TST: variants seen among roughly 807,000 people sequenced by gnomAD.
The protein encoded by TST is epididymis secretory sperm binding protein.
Under a neutral mutation model 20.4 loss-of-function variants are expected in TST, and 22 were observed. That is an observed-to-expected ratio of 1.08 (90% CI 0.77 to 1.54). TST has a LOEUF of 1.54. Among genes scored for constraint, TST ranks in the 40% most tolerant of loss-of-function variants. The probability of loss-of-function intolerance (pLI) is 0.00; values close to 1 mark genes in which losing one functional copy is unlikely to be tolerated. For missense variants in TST, 392 were observed against 405.2 expected, an observed-to-expected ratio of 0.97 and a Z score of 0.28; for synonymous variants, 187 against 173.8, an observed-to-expected ratio of 1.08 and a Z score of -0.60.
chr22:37,018,623 T>A lies in TST; in HGVS notation c.110A>T (p.Tyr37Phe), dbSNP rs763667991. ...PGLRVLDASWYSPGTREARKE... is the reference protein window; with the variant it reads ...PGLRVLDASWFSPGTREARKE... ...GCGGGCCTCTCGGGTGCCTGGTGAG[T>A]ACCAGGACGCGTCCAGCACCCGCAG... is the stretch of plus-strand genomic sequence containing the variant. The change falls in exon 2 of 3, where the codon TAC becomes TTC. Residue 37 changes from tyrosine (Y) to phenylalanine (F), a missense_variant. Tyr to Phe is a conservative substitution (Grantham distance 22). Coordinates refer to ENST00000249042, the MANE Select transcript of TST (RefSeq NM_003312.6). 4 of 1,571,296 alleles carry A rather than the reference T, an allele frequency of 2.5e-6. No individual in the cohort carries two copies. The highest frequency in any genetic ancestry group is 2.7e-5 in the African/African-American group (2 of 74,024).
At chr22:37,014,100 C>T (rs1445575534) in intron 2 of TST, among the ~76,000 whole-genome samples, 2 of 140,658 alleles carry the variant, frequency 1.4e-5, no homozygotes, top group African/African-American at 5.3e-5. Context: ...GCGGTGGCTA[C>T]GCCTGTAATC....
chr22:37,012,454 T>C (rs1369424409), intron 2 of TST, among the ~76,000 whole-genome samples: 1 of 152,242 alleles, frequency 6.6e-6, no homozygotes, highest in Non-Finnish European at 1.5e-5. Flanking sequence ...AGGCCACTCC[T>C]GTCTTCCTCG....
rs558722438 is a variant in TST at position 37,012,095 on chromosome 22, G to A, written c.596-770C>T. Among the ~76,000 whole-genome samples the A allele has an allele frequency of 5.3e-5, 8 of 152,334 alleles. No individual in the cohort carries two copies. In the East Asian group the frequency reaches 5.8e-4, roughly 11 times the overall value. ...AAATGGAAATGAGAGTATCCACTGTGTATTGGCTGCTGCACGAAGCGGGTG... is the reference window on the plus strand; with the variant it reads ...AAATGGAAATGAGAGTATCCACTGTATATTGGCTGCTGCACGAAGCGGGTG... On this transcript the variant is annotated intron_variant, in intron 2 of 2. Coordinates refer to ENST00000249042, the MANE Select transcript of TST (RefSeq NM_003312.6).
chr22:37,020,018 A>T, upstream of TST: 32 of 301,826 alleles, frequency 1.1e-4, no homozygotes, highest in Middle Eastern at 4.5e-4. Flanking sequence ...GTTGGCACTA[A>T]GGGTGACTGT....
At chr22:37,012,117 G>A (rs1922500745) in intron 2 of TST, among the ~76,000 whole-genome samples, 1 of 152,214 alleles carries the variant, frequency 6.6e-6, no homozygotes, top group Non-Finnish European at 1.5e-5. Flanking sequence ...GCACGAAGCG[G>A]GTGGCACAAG....
At position 37,018,279 on chromosome 22, in the gene TST, C is replaced by T. The variant is rs759704785; in HGVS notation, c.454G>A (p.Val152Ile). The stretch of plus-strand genomic sequence containing the variant: ...GAGCGGTCCAGTGTGGCTTTGAAGA[C>T]GGCCGGTTCTGGGCGTGAGGGCTCG... The part of the protein sequence containing the change: ...TSEPSRPEPA[V>I]FKATLDRSLL... The change falls in exon 2 of 3, where the codon GTC becomes ATC. Residue 152 changes from valine (V) to isoleucine (I), a missense_variant. Val to Ile is a conservative substitution (Grantham distance 29, BLOSUM62 3). Coordinates refer to ENST00000249042, the MANE Select transcript of TST (RefSeq NM_003312.6). 8.7e-6 allele frequency: 14 copies of T among 1,613,990 alleles called. No homozygotes were observed. The highest frequency in any genetic ancestry group is 8.0e-5 in the African/African-American group (6 of 74,928).
chr22:37,012,147 G>A lies in TST; in HGVS notation c.596-822C>T, dbSNP rs117445342. On this transcript the variant is annotated intron_variant, in intron 2 of 2. Transcript: ENST00000249042. ...CACAAGGAAAGCGCTGGCTTTGGAGGCTGGCCCACCCACCCTGCCATGCTG... is the reference window on the plus strand; with the variant it reads ...CACAAGGAAAGCGCTGGCTTTGGAGACTGGCCCACCCACCCTGCCATGCTG... 7.8e-3 allele frequency among the ~76,000 whole-genome samples: 1,190 copies of A among 152,338 alleles called. 4 individuals carry two copies. The highest frequency in any genetic ancestry group is 0.011 in the Non-Finnish European group (768 of 68,032).
chr22:37,016,138 G>A (rs1342385728), intron 2 of TST, among the ~76,000 whole-genome samples: 2 of 151,456 alleles, frequency 1.3e-5, no homozygotes, highest in African/African-American at 4.9e-5. Context: ...GTAGCGACGG[G>A]GTTTCACCAT....
At chr22:37,012,757 C>T (rs529500521) in intron 2 of TST, among the ~76,000 whole-genome samples, 1 of 152,220 alleles carries the variant, frequency 6.6e-6, no homozygotes, top group Non-Finnish European at 1.5e-5. Flanking sequence ...GGACAAAACC[C>T]CACCTAGGCC....
chr22:37,013,565 G>A (rs1006807933), intron 2 of TST, among the ~76,000 whole-genome samples: 2 of 152,148 alleles, frequency 1.3e-5, no homozygotes, highest in African/African-American at 4.8e-5. Flanking sequence ...TGCCACTCCA[G>A]CCTGGGTGAT....
rs1398239564 is a variant in TST at position 37,010,923 on chromosome 22, A to G, written c.*104T>C. The G allele has an allele frequency of 2.6e-5, 39 of 1,476,654 alleles. No individual in the cohort carries two copies. Among genetic ancestry groups the G allele is most frequent in the Middle Eastern group, 2.5e-4 (1 of 3,958 alleles). 91.5% of individuals were successfully genotyped at this position (1,476,654 alleles called of 1,614,324 possible). A position where few individuals can be genotyped will look rare whatever the true frequency, so the allele number is the denominator to read the frequency against. ...GAGAGAGGGTGAGCCTTGCACAGCAATTCTAAAAACATGTCATCTCCTTCA... is the reference window on the plus strand; with the variant it reads ...GAGAGAGGGTGAGCCTTGCACAGCAGTTCTAAAAACATGTCATCTCCTTCA... On this transcript the variant is annotated 3_prime_UTR_variant, in exon 3 of 3. Transcript: ENST00000249042.
Position 37,011,143 on chromosome 22 carries a change from C to A in TST, c.778G>T (p.Ala260Ser). 1 of 1,613,798 alleles carries A rather than the reference C, an allele frequency of 6.2e-7. No individual in the cohort carries two copies. Among genetic ancestry groups the A allele is most frequent in the Non-Finnish European group, 8.5e-7 (1 of 1,180,038 alleles). Reference protein sequence around the residue: ...KGVTACHVALAAYLCGKPDVA... With the variant: ...KGVTACHVALSAYLCGKPDVA... ...TCAGGCTTGCCGCAGAGGTAGGCAG[C>A]CAAGGCCACGTGGCAGGCGGTGACT... The change falls in exon 3 of 3, where the codon GCT (alanine) becomes TCT (serine). Residue 260 changes from alanine to serine, a missense_variant. Ala to Ser is a moderately conservative substitution (Grantham distance 99, BLOSUM62 1). Transcript: ENST00000249042.
At chr22:37,015,538 AAG>A (rs1383911210) in intron 2 of TST, among the ~76,000 whole-genome samples, 1 of 152,236 alleles carries the variant, frequency 6.6e-6, no homozygotes, top group African/African-American at 2.4e-5. Flanking sequence ...CTCCAGGACT[AAG>A]AGCTTGTGGA....
intron 1 of TST, chr22:37,019,027 G>T: frequency 2.9e-6 from 1 of 344,874 alleles, no homozygotes; most frequent in Non-Finnish European, 5.3e-6. Context: ...GCTTCCTGGG[G>T]CGGGGATCTG....
In TST at chr22:37,018,181, A is replaced by T. The variant is rs1484680843; in HGVS notation, c.552T>A (p.Ser184=). Residue 184 remains serine, a synonymous_variant, in exon 2 of 3, where the codon TCT becomes TCA. Transcript: ENST00000249042. ...SKRFQLVDSR[S]QGRFLGTEPE... ...GCTCGGTGCCCAGGAACCGCCCTTG[A>T]GACCTTGAATCCACCAGCTGGAACC... The T allele has an allele frequency of 1.9e-6, 3 of 1,600,122 alleles. No homozygotes were observed. Among genetic ancestry groups the T allele is most frequent in the Admixed American group, 3.4e-5 (2 of 59,092 alleles).
intron 2 of TST, among the ~76,000 whole-genome samples, chr22:37,014,114 G>A (rs1922582371): frequency 6.6e-6 from 1 of 152,094 alleles, no homozygotes; most frequent in South Asian, 2.1e-4. Context: ...TGTAATCCCA[G>A]TACTTTGGGA....
intron 2 of TST, among the ~76,000 whole-genome samples, chr22:37,014,712 C>A (rs1263032495): frequency 6.6e-6 from 1 of 152,200 alleles, no homozygotes; most frequent in Admixed American, 6.5e-5. Context: ...TCTTTGACCA[C>A]CCTGAGCCTC....
Position 37,018,473 on chromosome 22 carries a change from C to T in TST, c.260G>A (p.Arg87His). ...SEAGFAEYVG[R>H]LGISNHTHVV... ...GTGCGTGTGGTTGCTGATGCCCAGGCGGCCCACATACTCGGCGAAGCCAGC... is the reference window on the plus strand; with the variant it reads ...GTGCGTGTGGTTGCTGATGCCCAGGTGGCCCACATACTCGGCGAAGCCAGC... The change falls in exon 2 of 3, where the codon CGC becomes CAC. Residue 87 changes from arginine (R) to histidine (H), a missense_variant. Coordinates refer to ENST00000249042, the MANE Select transcript of TST (RefSeq NM_003312.6). 1.2e-6 allele frequency: 2 copies of T among 1,611,654 alleles called. No homozygotes were observed. Among genetic ancestry groups the T allele is most frequent in the African/African-American group, 1.3e-5 (1 of 74,996 alleles).
At chr22:37,015,779 A>G (rs774857153) in intron 2 of TST, among the ~76,000 whole-genome samples, 42 of 151,676 alleles carry the variant, frequency 2.8e-4, no homozygotes, top group Non-Finnish European at 4.9e-4. Context: ...GGAACCATAA[A>G]CTTGGCAGAG....
Sources: gnomAD v4.1 joint callset for allele counts (sites outside exome capture counted in the v4.1 genomes callset) on GRCh38, gnomAD v4.1.1 for gene constraint, MANE v1.5 for transcripts, NCBI Gene and HGNC (gene_info 2026-07-23, HGNC 2026-07-21) for gene names.